Variants in CFAP97D2 observed in about 807,000 individuals in gnomAD.
CFAP97D2 encodes the protein CFAP97 domain containing 2.
chr13:114,221,698 G>A (rs887549759), intron 4 of CFAP97D2, among the ~76,000 whole-genome samples: 3 of 149,014 alleles, frequency 2.0e-5, no homozygotes, highest in Admixed American at 6.7e-5. Flanking sequence ...ATGTACCCTA[G>A]AACTTAAAGT....
chr13:114,213,751 A>G (rs1357827905), intron 4 of CFAP97D2, among the ~76,000 whole-genome samples: 3 of 129,590 alleles, frequency 2.3e-5, no homozygotes, highest in Non-Finnish European at 4.8e-5. Context: ...CACAGACCCC[A>G]TCCCTGTGGA....
At position 114,211,580 on chromosome 13, in the gene CFAP97D2, C is replaced by G. The variant is rs2080966546; in HGVS notation, c.291-332C>G. 1.3e-5 allele frequency among the ~76,000 whole-genome samples: 2 copies of G among 152,200 alleles called. No individual in the cohort carries two copies. The highest frequency in any genetic ancestry group is 2.9e-5 in the Non-Finnish European group (2 of 68,040). On this transcript the variant is annotated intron_variant, in intron 3 of 4. Coordinates refer to ENST00000646158, the Ensembl canonical transcript of CFAP97D2. The surrounding 1 kb of genome is among the most constrained non-coding windows in gnomAD (Gnocchi z 4.2). Reference sequence around the variant, plus strand: ...TCCCTGCCTGGGACCCCACTCTCTCCCACTCATCTTGTCCAGCATCTGCTC... The same window carrying G: ...TCCCTGCCTGGGACCCCACTCTCTCGCACTCATCTTGTCCAGCATCTGCTC...
chr13:114,214,675 C>T (rs2080985658), intron 4 of CFAP97D2, among the ~76,000 whole-genome samples: 1 of 152,156 alleles, frequency 6.6e-6, no homozygotes, highest in Non-Finnish European at 1.5e-5. Flanking sequence ...CAACTTCTGC[C>T]ACCCAAGTTC....
At chr13:114,202,911 G>A (rs1055726671) in intron 3 of CFAP97D2, among the ~76,000 whole-genome samples, 11 of 152,184 alleles carry the variant, frequency 7.2e-5, no homozygotes, top group Admixed American at 5.9e-4. Context: ...ACACAGTGGA[G>A]CACAGAGCCT....
Position 114,187,369 on chromosome 13 carries a change from C to T in CFAP97D2, c.90+7949C>T, listed in dbSNP as rs2080855840. Among the ~76,000 whole-genome samples, 1 of 150,966 alleles carries T rather than the reference C, an allele frequency of 6.6e-6. No homozygotes were observed. The highest frequency in any genetic ancestry group is 6.6e-5 in the Admixed American group (1 of 15,188). On this transcript the variant is annotated intron_variant, in intron 1 of 4. Coordinates refer to ENST00000646158, the Ensembl canonical transcript of CFAP97D2. This position sits in a 1 kb window ranked among gnomAD's most constrained non-coding sequence, Gnocchi z 4.2. ...AGTAGATTAAAAAAAAAAGGCCCAA[C>T]TATATGTTGTCCACAAGAAACCATT...
At chr13:114,194,803 A>G (rs547929507) in intron 1 of CFAP97D2, among the ~76,000 whole-genome samples, 57 of 152,366 alleles carry the variant, frequency 3.7e-4, no homozygotes, top group Admixed American at 5.9e-4. Context: ...GGCCTTGGTC[A>G]ACAAGTTCTG....
At chr13:114,188,116 A>AC (rs1002569018) in intron 1 of CFAP97D2, among the ~76,000 whole-genome samples, 1 of 131,806 alleles carries the variant, frequency 7.6e-6, no homozygotes, top group African/African-American at 3.2e-5. Flanking sequence ...CCATCTCCAC[A>AC]AAAAAAAAAA....
intron 1 of CFAP97D2, among the ~76,000 whole-genome samples, chr13:114,195,062 T>C (rs1345199175): frequency 6.6e-6 from 1 of 152,122 alleles, no homozygotes; most frequent in Non-Finnish European, 1.5e-5. Context: ...GCCCCACACA[T>C]GTACACCGCA....
chr13:114,214,777 G>T (rs1056932333), intron 4 of CFAP97D2, among the ~76,000 whole-genome samples: 2 of 152,172 alleles, frequency 1.3e-5, no homozygotes, highest in African/African-American at 4.8e-5. Context: ...AACAAAAATG[G>T]AGTCCTACTC....
chr13:114,182,018 G>A (rs999871211), intron 1 of CFAP97D2, among the ~76,000 whole-genome samples: 43 of 152,086 alleles, frequency 2.8e-4, no homozygotes, highest in Non-Finnish European at 5.0e-4. Flanking sequence ...AAATAACAGT[G>A]GGCCCAGGGG....
At chr13:114,182,169 A>G (rs2080835780) in intron 1 of CFAP97D2, among the ~76,000 whole-genome samples, 2 of 139,924 alleles carry the variant, frequency 1.4e-5, no homozygotes, top group African/African-American at 2.8e-5. Context: ...GGTCAGCAAA[A>G]AACGTGAGCA....
intron 1 of CFAP97D2, among the ~76,000 whole-genome samples, chr13:114,192,058 G>A (rs948602872): frequency 1.4e-5 from 2 of 139,486 alleles, no homozygotes; most frequent in African/African-American, 5.1e-5. Context: ...AAAAAGATAC[G>A]GGTGGGTGGG....
In CFAP97D2 at chr13:114,186,404, C is replaced by T. The variant is rs1429296681; in HGVS notation, c.90+6984C>T. 6.6e-6 allele frequency among the ~76,000 whole-genome samples: 1 copy of T among 152,184 alleles called. No individual in the cohort carries two copies. Among genetic ancestry groups the T allele is most frequent in the Non-Finnish European group, 1.5e-5 (1 of 68,026 alleles). On this transcript the variant is annotated intron_variant, in intron 1 of 4. Coordinates refer to ENST00000646158, the Ensembl canonical transcript of CFAP97D2. This position sits in a 1 kb window ranked among gnomAD's most constrained non-coding sequence, Gnocchi z 4.3. ...GTAAAGCTCCTCTTTGTCTTGCTCACCCTCCACTTGTCTGCGTACCTCATT... is the reference window on the plus strand; with the variant it reads ...GTAAAGCTCCTCTTTGTCTTGCTCATCCTCCACTTGTCTGCGTACCTCATT...
At chr13:114,214,291 G>A (rs552892297) in intron 4 of CFAP97D2, 1 of 152,334 alleles carries the variant, frequency 6.6e-6, no homozygotes, top group Admixed American at 6.5e-5. Flanking sequence ...ACAAGTACCT[G>A]TGCAAAGACG....
intron 1 of CFAP97D2, among the ~76,000 whole-genome samples, chr13:114,183,815 A>G (rs974314404): frequency 5.3e-5 from 8 of 152,200 alleles, no homozygotes; most frequent in Admixed American, 2.0e-4. Context: ...CACACGAACA[A>G]TGGAGGGACA....
chr13:114,213,931 A>G (rs1268328647), intron 4 of CFAP97D2, among the ~76,000 whole-genome samples: 3 of 124,360 alleles, frequency 2.4e-5, no homozygotes, highest in Non-Finnish European at 4.9e-5. Context: ...AAGCTCCAGG[A>G]CCACAGACCC....
Position 114,222,319 on chromosome 13 carries a change from T to C in CFAP97D2, c.481-179T>C, listed in dbSNP as rs1191772711. Among the ~76,000 whole-genome samples, 2 of 152,208 alleles carry C rather than the reference T, an allele frequency of 1.3e-5. No individual in the cohort carries two copies. Among genetic ancestry groups the C allele is most frequent in the Non-Finnish European group, 2.9e-5 (2 of 68,044 alleles). On this transcript the variant is annotated intron_variant, in intron 4 of 4. Coordinates refer to ENST00000646158, the Ensembl canonical transcript of CFAP97D2. The surrounding 1 kb of genome is among the most constrained non-coding windows in gnomAD (Gnocchi z 4.4). ...CTGAATATACCAAAACACACTAAAA[T>C]ATACACTATAAAGGGGTATAGAATT... is the stretch of plus-strand genomic sequence containing the variant.
chr13:114,219,706 G>T (rs1253980179), intron 4 of CFAP97D2, among the ~76,000 whole-genome samples: 1 of 152,226 alleles, frequency 6.6e-6, no homozygotes, highest in Non-Finnish European at 1.5e-5. Context: ...TCCGAGGCAT[G>T]CCTCCCCCAC....
At chr13:114,209,771 C>T (rs759563823) in intron 3 of CFAP97D2, among the ~76,000 whole-genome samples, 2 of 152,162 alleles carry the variant, frequency 1.3e-5, no homozygotes, top group African/African-American at 2.4e-5. Flanking sequence ...GTCTGTCTTC[C>T]CACTGAATCT....
Sources: gnomAD v4.1 joint callset for allele counts (sites outside exome capture counted in the v4.1 genomes callset) on GRCh38, gnomAD v4.1.1 for gene constraint, Gnocchi (gnomAD v3.1) non-coding constraint, MANE v1.5 for transcripts, NCBI Gene and HGNC (gene_info 2026-07-23, HGNC 2026-07-21) for gene names.